The following AGBL1 variants were observed in gnomAD, a reference collection of about 807,000 sequenced individuals.
The protein encoded by AGBL1 is cytosolic carboxypeptidase 4.
A neutral mutation model predicts 118.9 loss-of-function variants in AGBL1; 130 were observed. That is an observed-to-expected ratio of 1.09 (90% CI 0.95 to 1.26). The LOEUF is 1.26. AGBL1 is among the 50% of genes most tolerant of loss of function. AGBL1 has a pLI of 0.00. For synonymous variants in AGBL1, 555 were observed against 478.9 expected (o/e 1.16, Z -2.08); for missense variants, 1,584 against 1,298.1 (o/e 1.22, Z -3.38).
At chr15:86,788,993 G>C (rs2078454241) in intron 22 of AGBL1, among the ~76,000 whole-genome samples, 1 of 152,230 alleles carries the variant, frequency 6.6e-6, no homozygotes, top group Non-Finnish European at 1.5e-5. Context: ...TTAAAGGCAA[G>C]CTTTGCAGAG....
intron 20 of AGBL1, among the ~76,000 whole-genome samples, chr15:86,548,639 A>T (rs536330061): frequency 6.8e-6 from 1 of 146,632 alleles, no homozygotes; most frequent in Non-Finnish European, 1.5e-5. Flanking sequence ...CAACAGAAGG[A>T]TAGCCACACA....
At chr15:86,359,861 G>T (rs1400909208) in intron 17 of AGBL1, among the ~76,000 whole-genome samples, 1 of 151,644 alleles carries the variant, frequency 6.6e-6, no homozygotes, top group Non-Finnish European at 1.5e-5. Context: ...CAGATACTTT[G>T]TTTTTTTGTG....
At chr15:86,959,182 T>C (rs1366562690) in intron 23 of AGBL1, among the ~76,000 whole-genome samples, 2 of 152,168 alleles carry the variant, frequency 1.3e-5, no homozygotes, top group African/African-American at 4.8e-5. Flanking sequence ...TTAATCTTTG[T>C]TCATCAAACA....
At chr15:86,305,202 A>G (rs775228951) in intron 17 of AGBL1, 1 of 152,238 alleles carries the variant, frequency 6.6e-6, no homozygotes, top group East Asian at 1.9e-4. Flanking sequence ...GGTGCTAGCC[A>G]GGCATGACCA....
At chr15:86,160,758 C>T (rs1047459366) in intron 5 of AGBL1, among the ~76,000 whole-genome samples, 1 of 152,146 alleles carries the variant, frequency 6.6e-6, no homozygotes, top group Non-Finnish European at 1.5e-5. Context: ...GTGATATTTG[C>T]TGGGCTCATC....
intron 1 of AGBL1, among the ~76,000 whole-genome samples, chr15:86,133,758 C>G (rs1393574921): frequency 6.6e-6 from 1 of 152,210 alleles, no homozygotes; most frequent in East Asian, 1.9e-4. Context: ...GGCTGGAGAA[C>G]TCTCAGCAAA....
chr15:86,841,593 C>T (rs933523941), intron 22 of AGBL1, among the ~76,000 whole-genome samples: 1 of 152,134 alleles, frequency 6.6e-6, no homozygotes, highest in Admixed American at 6.5e-5. Flanking sequence ...TGCCTATAAT[C>T]CCAGCACTTT....
rs747938252 is a variant in AGBL1, at chr15:86,620,976, T to C, written c.2995-53297T>C. ...TAAATCTCTCTATTATTTTCTACTC[T>C]CATAGCTATTGCTGCTAAGTTCCTC... is the stretch of plus-strand genomic sequence containing the variant. On this transcript the variant is annotated intron_variant, in intron 21 of 22. Transcript: ENST00000614907. Among the ~76,000 whole-genome samples the C allele has an allele frequency of 1.1e-3, 167 of 149,762 alleles. 2 individuals carry two copies. The highest frequency in any genetic ancestry group is 6.8e-3 in the Middle Eastern group (2 of 292).
intron 24 of AGBL1, among the ~76,000 whole-genome samples, chr15:86,989,512 G>A (rs1274962171): frequency 6.6e-6 from 1 of 151,948 alleles, no homozygotes; most frequent in African/African-American, 2.4e-5. Context: ...CTTTTAATCT[G>A]CTAAGATGGG....
chr15:86,336,923 T>C (rs1331810309), intron 17 of AGBL1, among the ~76,000 whole-genome samples: 1 of 152,226 alleles, frequency 6.6e-6, no homozygotes, highest in East Asian at 1.9e-4. Flanking sequence ...TCTTCATGTA[T>C]TGATAGTCTT....
intron 21 of AGBL1, among the ~76,000 whole-genome samples, chr15:86,639,956 C>T (rs548812364): frequency 2.0e-5 from 3 of 152,052 alleles, no homozygotes; most frequent in South Asian, 2.1e-4. Flanking sequence ...TATGTGGGAC[C>T]GAGGTTTGCT....
chr15:86,643,291 A>G (rs930162099), intron 21 of AGBL1, among the ~76,000 whole-genome samples: 21 of 152,136 alleles, frequency 1.4e-4, no homozygotes, highest in African/African-American at 4.6e-4. Context: ...TTTAGGTTTC[A>G]TATGTTTTAT....
chr15:86,286,735 G>GTGTGTGTATATATATATA, intron 16 of AGBL1, among the ~76,000 whole-genome samples: 1 of 106,252 alleles, frequency 9.4e-6, no homozygotes, highest in African/African-American at 3.9e-5. Context: ...GTTTGTGTGT[G>GTGTGTGTATATATATATA]TATATATATA....
intron 12 of AGBL1, 29 bp from the exon 13 acceptor site, chr15:86,266,961 A>G (rs1567167040): frequency 6.8e-7 from 1 of 1,460,266 alleles, no homozygotes; most frequent in Non-Finnish European, 9.4e-7. Flanking sequence ...GATAACACAT[A>G]TGTTCACATG....
intron 17 of AGBL1, among the ~76,000 whole-genome samples, chr15:86,378,667 A>T (rs1054753048): frequency 7.0e-6 from 1 of 141,888 alleles, no homozygotes; most frequent in African/African-American, 2.7e-5. Context: ...AATTTTTACA[A>T]TGCAGTGAGA....
intron 3 of AGBL1, among the ~76,000 whole-genome samples, chr15:86,144,124 A>G (rs954161396): frequency 7.9e-5 from 12 of 152,330 alleles, no homozygotes; most frequent in African/African-American, 2.4e-4. Context: ...AGATACTCCA[A>G]TGCAGTTTTT....
chr15:86,172,998 C>A (rs2077436010), intron 5 of AGBL1, among the ~76,000 whole-genome samples: 1 of 152,030 alleles, frequency 6.6e-6, no homozygotes, highest in African/African-American at 2.4e-5. Context: ...TTCTCCACAT[C>A]CTTGCCAGCA....
At chr15:86,954,309 G>A (rs1164664832) in intron 23 of AGBL1, among the ~76,000 whole-genome samples, 1 of 152,054 alleles carries the variant, frequency 6.6e-6, no homozygotes, top group Non-Finnish European at 1.5e-5. Context: ...ATATCCACAG[G>A]AAAATAAATT....
intron 18 of AGBL1, among the ~76,000 whole-genome samples, chr15:86,405,128 G>T (rs907475497): frequency 4.6e-5 from 7 of 152,144 alleles, no homozygotes; most frequent in African/African-American, 7.2e-5. Context: ...TAATTTTTTT[G>T]AGTAGTTATC....
Sources: gnomAD v4.1 joint callset for allele counts (sites outside exome capture counted in the v4.1 genomes callset) on GRCh38, gnomAD v4.1.1 for gene constraint, MANE v1.5 for transcripts, NCBI Gene and HGNC (gene_info 2026-07-23, HGNC 2026-07-21) for gene names.